SYNE2: variants seen among roughly 807,000 people sequenced by gnomAD.
SYNE2 encodes the protein nesprin-2.
Under a neutral mutation model 856.3 loss-of-function variants are expected in SYNE2, and 431 were observed. The ratio of observed to expected loss-of-function variants is 0.50; its 90% confidence interval spans 0.47 to 0.55. The LOEUF is 0.55. Ranked by LOEUF, SYNE2 falls within the 20% of genes least tolerant of loss-of-function variation. SYNE2 has a pLI of 0.00. For synonymous variants in SYNE2, 2,923 were observed against 2,872.3 expected (o/e 1.02, Z -0.56); for missense variants, 8,129 against 8,023.2 (o/e 1.01, Z -0.50).
intron 2 of SYNE2, among the ~76,000 whole-genome samples, chr14:63,938,972 G>GCGCTTGCATGTGTA (rs1396021726): frequency 3.9e-5 from 6 of 152,142 alleles, no homozygotes; most frequent in African/African-American, 1.4e-4. Context: ...TTGCATGTGT[G>GCGCTTGCATGTGTA]CATGTGAGTG....
At chr14:64,173,488 C>G (rs536165319) in intron 94 of SYNE2, among the ~76,000 whole-genome samples, 129 of 152,234 alleles carry the variant, frequency 8.5e-4, no homozygotes, top group Non-Finnish European at 1.6e-3. Flanking sequence ...CTCAGAAATG[C>G]CTTTGTAAAT....
intron 1 of SYNE2, among the ~76,000 whole-genome samples, chr14:63,872,172 C>T (rs372283607): frequency 3.3e-5 from 5 of 152,004 alleles, no homozygotes; most frequent in East Asian, 1.9e-4. Flanking sequence ...GGCTCATGCC[C>T]GTAATCCAAG....
intron 88 of SYNE2, chr14:64,162,749 A>C (rs529833563): frequency 2.3e-5 from 6 of 255,558 alleles, no homozygotes; most frequent in African/African-American, 1.3e-4. Context: ...TATTATTGTT[A>C]ATGAACGCTC....
At chr14:64,094,663 A>T (rs1164368666) in intron 61 of SYNE2, among the ~76,000 whole-genome samples, 1 of 152,224 alleles carries the variant, frequency 6.6e-6, no homozygotes, top group Non-Finnish European at 1.5e-5. Context: ...CACAGCTGTT[A>T]AATGGTGGAT....
chr14:63,957,088 A>G (rs1003663541), intron 8 of SYNE2, among the ~76,000 whole-genome samples: 1 of 150,362 alleles, frequency 6.7e-6, no homozygotes, highest in African/African-American at 2.4e-5. Flanking sequence ...AAGGTCATCC[A>G]TGTTGTGGCA....
chr14:63,845,398 A>C (rs1890194914), intron 1 of SYNE2, among the ~76,000 whole-genome samples: 1 of 151,764 alleles, frequency 6.6e-6, no homozygotes, highest in Non-Finnish European at 1.5e-5. Context: ...CCTGGGTGAC[A>C]ACAGCAAAAC....
rs760687493 is a variant in SYNE2 at position 64,162,086 on chromosome 14, A to C, written c.16109A>C (p.Asn5370Thr). The C allele has an allele frequency of 3.1e-6, 5 of 1,614,074 alleles. No individual in the cohort carries two copies. The African/African-American group carries it at 6.7e-5, about 22-fold the overall frequency. The change falls in exon 88 of 116, where the codon AAC (asparagine) becomes ACC (threonine). Residue 5370 changes from asparagine to threonine, a missense_variant. Asn to Thr is a moderately conservative substitution (Grantham distance 65). Around this residue, in one of 3 missense-constraint regions of SYNE2, gnomAD observed 5,410 missense variants for 5,284.8 expected, o/e 1.02. Transcript: ENST00000555002. ...TGCACTGACAGGTGGACTCAGGTGA[A>C]CCAAGCCATTGCAGACCAGTTGCAG... ...QNTHKRWTQVNQAIADQLQKA... is the reference protein window; with the variant it reads ...QNTHKRWTQVTQAIADQLQKA...
At chr14:63,862,695 G>A (rs1390093983) in intron 1 of SYNE2, among the ~76,000 whole-genome samples, 1 of 152,156 alleles carries the variant, frequency 6.6e-6, no homozygotes, top group African/African-American at 2.4e-5. Flanking sequence ...TGTTGCACTT[G>A]AAGGGGAAAT....
chr14:64,178,109 T>C (rs573148694), intron 96 of SYNE2, among the ~76,000 whole-genome samples: 1 of 152,326 alleles, frequency 6.6e-6, no homozygotes, highest in Non-Finnish European at 1.5e-5. Flanking sequence ...GTTGGAGTGG[T>C]ATTTTAATTT....
At chr14:64,026,827 CT>C (rs2096983681) in intron 42 of SYNE2, 97 bp downstream of exon 42, 1 of 1,425,802 alleles carries the variant, frequency 7.0e-7, no homozygotes, top group Non-Finnish European at 9.7e-7. Context: ...GATATAATAT[CT>C]GCTAGAGAGA....
chr14:63,949,746 T>C lies in SYNE2; in HGVS notation c.409-79T>C, dbSNP rs2096120937. 7 of 1,455,694 alleles carry C rather than the reference T, an allele frequency of 4.8e-6. No individual in the cohort carries two copies. The Admixed American group carries it at 1.2e-4, about 24-fold the overall frequency. 90.2% of individuals were successfully genotyped at this position (1,455,694 alleles called of 1,614,324 possible). ...ACTGTCACAGGATGCTTTTTAGGTC[T>C]CTATTTTGACTGGAAATTTTGGCCC... On this transcript the variant is annotated intron_variant, in intron 6 of 115. Coordinates refer to ENST00000555002, the MANE Select transcript of SYNE2 (RefSeq NM_182914.3).
chr14:63,879,618 T>C (rs1408218334), intron 1 of SYNE2, among the ~76,000 whole-genome samples: 2 of 152,356 alleles, frequency 1.3e-5, no homozygotes, highest in East Asian at 3.9e-4. Flanking sequence ...AGTGGTAATA[T>C]GTAACTTTAG....
At chr14:64,096,794 GA>G (rs2097681240) in intron 61 of SYNE2, among the ~76,000 whole-genome samples, 1 of 152,192 alleles carries the variant, frequency 6.6e-6, no homozygotes, top group Admixed American at 6.5e-5. Flanking sequence ...TGCAGGTGGA[GA>G]CAGATTACGT....
intron 51 of SYNE2, among the ~76,000 whole-genome samples, chr14:64,066,226 G>A (rs778841968): frequency 5.3e-5 from 8 of 152,182 alleles, no homozygotes; most frequent in Non-Finnish European, 8.8e-5. Flanking sequence ...ATAGCCGGGT[G>A]CAGTGGTTCA....
chr14:64,098,735 T>A lies in SYNE2; in HGVS notation c.12307-12T>A, dbSNP rs373545394. ...AAGCAGACTGCAGGTATTCTTGTGC[T>A]GTGCCTTTCAGTTGAACAGAAGAGG... is the stretch of plus-strand genomic sequence containing the variant. On this transcript the variant is annotated splice_polypyrimidine_tract_variant and intron_variant, in intron 62 of 115. Transcript: ENST00000555002. 11 of 1,613,792 alleles carry A rather than the reference T, an allele frequency of 6.8e-6. No homozygotes were observed. The East Asian group carries it at 2.0e-4, about 29-fold the overall frequency.
chr14:64,092,189 C>G (rs912830867), intron 60 of SYNE2, among the ~76,000 whole-genome samples: 2 of 152,272 alleles, frequency 1.3e-5, no homozygotes, highest in Admixed American at 1.3e-4. Context: ...AGCCACGGTC[C>G]TAACTATGCT....
At chr14:64,075,828 G>C in intron 53 of SYNE2, 117 bp from the exon 54 acceptor site, 1 of 1,114,448 alleles carries the variant, frequency 9.0e-7, no homozygotes, top group Non-Finnish European at 1.4e-6. Flanking sequence ...GTGGGGTTTT[G>C]TCATGCAAAC....
At chr14:63,939,679 C>T (rs902545379) in intron 2 of SYNE2, among the ~76,000 whole-genome samples, 15 of 152,184 alleles carry the variant, frequency 9.9e-5, no homozygotes, top group African/African-American at 3.6e-4. Context: ...ATAGCCAACA[C>T]TTCTTATGTG....
At chr14:63,920,025 CT>C (rs1306263060) in intron 2 of SYNE2, among the ~76,000 whole-genome samples, 2 of 119,488 alleles carry the variant, frequency 1.7e-5, no homozygotes, top group African/African-American at 7.6e-5. Flanking sequence ...TCTTGTTACG[CT>C]TTTCTTAGGT....
Sources: allele counts gnomAD v4.1 joint callset (sites outside exome capture counted in the v4.1 genomes callset), GRCh38; gene constraint gnomAD v4.1.1; regional missense constraint gnomAD v4.1.1; transcripts MANE v1.5; gene names NCBI Gene and HGNC (gene_info 2026-07-23, HGNC 2026-07-21).